Variants in PCDHA2 observed in about 807,000 individuals in gnomAD.
PCDHA2 encodes the protein protocadherin alpha 2.
A neutral mutation model predicts 66.0 loss-of-function variants in PCDHA2; 58 were observed. The observed-to-expected ratio is 0.88, with a 90% CI of 0.71 to 1.09. The LOEUF (loss-of-function observed/expected upper bound fraction) is 1.09. Among genes scored for constraint, PCDHA2 ranks in the 50% least tolerant of loss-of-function variants. The probability of loss-of-function intolerance (pLI) is 0.00; values close to 1 mark genes in which losing one functional copy is unlikely to be tolerated. For synonymous variants in PCDHA2, 634 were observed against 554.0 expected, an observed-to-expected ratio of 1.14 and a Z score of -2.03; for missense variants, 1,267 against 1,242.3, an observed-to-expected ratio of 1.02 and a Z score of -0.30.
At chr5:140,934,690 T>C (rs1263392505) in intron 1 of PCDHA2, among the ~76,000 whole-genome samples, 1 of 152,198 alleles carries the variant, frequency 6.6e-6, no homozygotes, top group Non-Finnish European at 1.5e-5. Flanking sequence ...AAACAATGAA[T>C]TGATTCCTGG....
intron 1 of PCDHA2, among the ~76,000 whole-genome samples, chr5:140,921,878 A>C (rs2153562324): frequency 6.6e-6 from 1 of 152,204 alleles, no homozygotes; most frequent in South Asian, 2.1e-4. Context: ...TATATATATA[A>C]GATTTTAGAA....
At chr5:140,924,395 G>C (rs919795787) in intron 1 of PCDHA2, among the ~76,000 whole-genome samples, 1 of 152,024 alleles carries the variant, frequency 6.6e-6, no homozygotes, top group East Asian at 1.9e-4. Context: ...TACTTATATT[G>C]CCTTATATCA....
At chr5:140,802,125 T>A (rs2149956675) in intron 1 of PCDHA2, 1 of 1,614,178 alleles carries the variant, frequency 6.2e-7, no homozygotes, top group East Asian at 2.2e-5. Flanking sequence ...TAACATAGAT[T>A]TCGAGGAAAG....
chr5:140,951,551 A>C (rs246040), intron 1 of PCDHA2, among the ~76,000 whole-genome samples: 2 of 151,590 alleles, frequency 1.3e-5, no homozygotes, highest in African/African-American at 4.8e-5. Flanking sequence ...GACGGGGGGA[A>C]GTGCTACGCA....
At chr5:140,860,679 T>C (rs1465789150) in intron 1 of PCDHA2, 1 of 152,238 alleles carries the variant, frequency 6.6e-6, no homozygotes, top group Non-Finnish European at 1.5e-5. Flanking sequence ...AATGCACTTA[T>C]GTTTTGAGCG....
intron 3 of PCDHA2, among the ~76,000 whole-genome samples, chr5:141,008,708 T>G (rs1197464501): frequency 1.3e-5 from 2 of 152,210 alleles, no homozygotes; most frequent in African/African-American, 4.8e-5. Flanking sequence ...GGTTTCTAGT[T>G]GCTTGAGTGT....
chr5:140,983,039 A>C (rs1554245052), intron 3 of PCDHA2, among the ~76,000 whole-genome samples: 1 of 152,036 alleles, frequency 6.6e-6, no homozygotes, highest in Non-Finnish European at 1.5e-5. Flanking sequence ...TTTCTCATGG[A>C]AGTGGAAAAT....
chr5:140,957,281 T>A (rs1317654133), intron 1 of PCDHA2, among the ~76,000 whole-genome samples: 3 of 152,178 alleles, frequency 2.0e-5, no homozygotes, highest in Non-Finnish European at 2.9e-5. Flanking sequence ...CCCCCTTACC[T>A]GCAGTTTCAC....
intron 1 of PCDHA2, among the ~76,000 whole-genome samples, chr5:140,945,509 GTAAA>G (rs1266877059): frequency 6.6e-6 from 1 of 151,782 alleles, no homozygotes; most frequent in Non-Finnish European, 1.5e-5. Context: ...ATTGAGCAAA[GTAAA>G]TAAATAAATA....
At chr5:140,823,832 T>G (rs1554129625) in intron 1 of PCDHA2, 2 of 1,613,836 alleles carry the variant, frequency 1.2e-6, no homozygotes, top group African/African-American at 1.3e-5. Flanking sequence ...GCGGGCGCTG[T>G]GGGTCCCGAG....
Position 140,945,638 on chromosome 5 carries a change from A to G in PCDHA2, c.2389-33311A>G, listed in dbSNP as rs187448798. ...CATGGTACTGGCATAAAAGACATGTAGACCAATGGAGCAGAATACAGCTCC... is the reference window on the plus strand; with the variant it reads ...CATGGTACTGGCATAAAAGACATGTGGACCAATGGAGCAGAATACAGCTCC... On this transcript the variant is annotated intron_variant, in intron 1 of 3. Transcript: ENST00000526136. 2.6e-5 allele frequency among the ~76,000 whole-genome samples: 4 copies of G among 152,300 alleles called. No homozygotes were observed. The East Asian group carries it at 5.8e-4, about 22-fold the overall frequency.
chr5:140,841,059 A>G, intron 1 of PCDHA2: 1 of 449,736 alleles, frequency 2.2e-6, no homozygotes, highest in Non-Finnish European at 3.9e-6. Context: ...CTATTAAATT[A>G]TGATAAAGAA....
rs782090194 is a variant in PCDHA2, at chr5:140,796,999, T to A, written c.2035T>A (p.Ser679Thr). Residue 679 changes from serine to threonine, a missense_variant, in exon 1 of 4, where the codon TCG becomes ACG. Transcript: ENST00000526136. ...LVESGQAPKASSRAWVGAAGS... is the reference protein window; with the variant it reads ...LVESGQAPKATSRAWVGAAGS... ...GGAAAGTGGCCAGGCACCCAAGGCC[T>A]CGTCGCGGGCGTGGGTGGGCGCCGC... 16 of 1,613,556 alleles carry A rather than the reference T, an allele frequency of 9.9e-6. No homozygotes were observed. The South Asian group carries it at 1.8e-4, about 18-fold the overall frequency.
Position 140,883,460 on chromosome 5 carries a change from G to C in PCDHA2, c.2388+86108G>C, listed in dbSNP as rs1554178305. 4 of 1,614,138 alleles carry C rather than the reference G, an allele frequency of 2.5e-6. No individual in the cohort carries two copies. The African/African-American group carries it at 5.3e-5, about 22-fold the overall frequency. On this transcript the variant is annotated intron_variant, in intron 1 of 3. Transcript: ENST00000526136. Reference sequence around the variant, plus strand: ...GACGCCGCATGTCCCCTTCAAGCTGGTGTCCACCTACAAGAACTACTACTC... The same window carrying C: ...GACGCCGCATGTCCCCTTCAAGCTGCTGTCCACCTACAAGAACTACTACTC...
intron 1 of PCDHA2, chr5:140,805,348 A>C: frequency 1.6e-6 from 2 of 1,213,388 alleles, no homozygotes; most frequent in Non-Finnish European, 1.0e-6. Context: ...CATTTTGTAA[A>C]AATATAGTTT....
intron 1 of PCDHA2, chr5:140,836,007 G>C: frequency 1.9e-6 from 3 of 1,613,296 alleles, no homozygotes; most frequent in Non-Finnish European, 2.5e-6. Context: ...CGATGCGGGC[G>C]TGCCGCCTCT....
intron 1 of PCDHA2, among the ~76,000 whole-genome samples, chr5:140,945,549 G>A (rs246058): frequency 0.56 from 85,718 of 151,780 alleles, 24,784 homozygotes; most frequent in African/African-American, 0.69. Context: ...ACAAAAAAAT[G>A]AAGCTGAAGA....
At chr5:140,903,470 C>T (rs1425928113) in intron 1 of PCDHA2, among the ~76,000 whole-genome samples, 2 of 152,140 alleles carry the variant, frequency 1.3e-5, no homozygotes, top group Non-Finnish European at 2.9e-5. Context: ...AATATTATTC[C>T]TTGCATTATA....
intron 1 of PCDHA2, chr5:140,814,903 T>C (rs74593738): frequency 6.6e-6 from 1 of 152,238 alleles, no homozygotes; most frequent in Non-Finnish European, 1.5e-5. Context: ...AATTGCTATG[T>C]CCTTCTGGTG....
Sources: allele counts gnomAD v4.1 joint callset (sites outside exome capture counted in the v4.1 genomes callset), GRCh38; gene constraint gnomAD v4.1.1; transcripts MANE v1.5; gene names NCBI Gene and HGNC (gene_info 2026-07-23, HGNC 2026-07-21).